The following LRRC56 variants were observed in gnomAD, a reference collection of about 807,000 sequenced individuals.
The protein encoded by LRRC56 is leucine rich repeat containing 56.
In LRRC56, 41 loss-of-function variants were observed where a neutral mutation model predicts 47.8. The ratio of observed to expected loss-of-function variants is 0.86; its 90% confidence interval spans 0.67 to 1.11. LRRC56 has a LOEUF of 1.11. LRRC56 is among the 50% of genes most tolerant of loss of function. LRRC56 has a pLI of 0.00. For missense variants in LRRC56, 759 were observed against 704.2 expected, an observed-to-expected ratio of 1.08 and a Z score of -0.88; for synonymous variants, 387 against 311.2, an observed-to-expected ratio of 1.24 and a Z score of -2.56.
the LRRC56 span, among the ~76,000 whole-genome samples, chr11:511,405 A>G: frequency 6.6e-6 from 1 of 152,192 alleles, no homozygotes; most frequent in African/African-American, 2.4e-5. Context: ...TGGCTGTTGC[A>G]GGTTCATACG....
intron 11 of LRRC56, 50 bp from the exon 12 acceptor site, chr11:552,040 G>C (rs1564807632): frequency 6.2e-7 from 1 of 1,604,942 alleles, no homozygotes. Context: ...GCCCTGCCCT[G>C]CCGCCATTCC....
At position 554,668 on chromosome 11, in the gene LRRC56, G is replaced by GT; in HGVS notation, c.*393dup. The GT allele has an allele frequency of 2.4e-6, 1 of 412,564 alleles. No individual in the cohort carries two copies. The highest frequency in any genetic ancestry group is 3.8e-5 in the South Asian group (1 of 26,106). The allele number at this position is 412,564 out of a possible 1,614,324, so 25.6% of individuals were successfully genotyped here. A position where few individuals can be genotyped will look rare whatever the true frequency, so the allele number is the denominator to read the frequency against. ...CCACCACTCCCTTGCCGGCCCCAGG[G>GT]TAAGAGCCACCTCCTAGGCCGCAGT... On this transcript the variant is annotated 3_prime_UTR_variant, in exon 14 of 14. Transcript: ENST00000270115.
At position 554,536 on chromosome 11, in the gene LRRC56, C is replaced by T. The variant is rs972869749; in HGVS notation, c.*260C>T. 1.7e-5 allele frequency: 7 copies of T among 409,004 alleles called. No individual in the cohort carries two copies. In the South Asian group the frequency reaches 4.5e-4, roughly 27 times the overall value. The allele number at this position is 409,004 out of a possible 1,614,324, so 25.3% of individuals were successfully genotyped here. On this transcript the variant is annotated 3_prime_UTR_variant, in exon 14 of 14. Coordinates refer to ENST00000270115, the MANE Select transcript of LRRC56 (RefSeq NM_198075.4). ...TCCCCAGCCCTTCCTTAGGGCCAGG[C>T]TTTCCCGCGGGCACGGGGGTGGGGG...
the LRRC56 span, among the ~76,000 whole-genome samples, chr11:525,690 G>A: frequency 1.3e-5 from 2 of 152,084 alleles, no homozygotes; most frequent in Non-Finnish European, 1.5e-5. Flanking sequence ...GAGGCCAGGA[G>A]TTTGAGACCA....
upstream of LRRC56, chr11:535,467 C>CGGGGCG (rs1554885658): frequency 1.8e-4 from 26 of 147,182 alleles, no homozygotes; most frequent in South Asian, 2.4e-3. Context: ...GAGGCCGGGG[C>CGGGGCG]GGGGCGGGGG....
chr11:522,508 C>G, the LRRC56 span, among the ~76,000 whole-genome samples: 1 of 152,110 alleles, frequency 6.6e-6, no homozygotes, highest in African/African-American at 2.4e-5. Context: ...CCTCGTGATT[C>G]GCCCACCTCG....
At chr11:543,208 G>T (rs1851892227) in intron 5 of LRRC56, among the ~76,000 whole-genome samples, 1 of 149,032 alleles carries the variant, frequency 6.7e-6, no homozygotes, top group African/African-American at 2.5e-5. Flanking sequence ...CCTGTTTTTT[G>T]TTTTTTTCAT....
chr11:540,941 A>G, intron 4 of LRRC56, 80 bp downstream of exon 4: 1 of 1,210,470 alleles, frequency 8.3e-7, no homozygotes, highest in Non-Finnish European at 1.1e-6. Context: ...CTGATGGTCC[A>G]GCCTGCCCTC....
the LRRC56 span, among the ~76,000 whole-genome samples, chr11:510,115 C>T: frequency 2.6e-5 from 4 of 152,206 alleles, no homozygotes; most frequent in East Asian, 1.9e-4. Flanking sequence ...CCAGCCTACA[C>T]GTTAGCTTAA....
chr11:521,261 G>A, the LRRC56 span, among the ~76,000 whole-genome samples: 10 of 152,166 alleles, frequency 6.6e-5, no homozygotes, highest in Non-Finnish European at 1.0e-4. Flanking sequence ...CTCACCATGG[G>A]TCTAGCTGGC....
the LRRC56 span, among the ~76,000 whole-genome samples, chr11:523,490 G>A: frequency 3.3e-5 from 5 of 151,694 alleles, no homozygotes; most frequent in East Asian, 3.9e-4. Flanking sequence ...AATTAGCCAC[G>A]TGTGGTGGTG....
the LRRC56 span, among the ~76,000 whole-genome samples, chr11:515,367 C>G: frequency 6.6e-6 from 1 of 152,208 alleles, no homozygotes; most frequent in Non-Finnish European, 1.5e-5. Flanking sequence ...CTTGTCTTCT[C>G]AGGGCCTTTC....
At chr11:517,266 C>T in the LRRC56 span, among the ~76,000 whole-genome samples, 1 of 151,744 alleles carries the variant, frequency 6.6e-6, no homozygotes, top group Non-Finnish European at 1.5e-5. Flanking sequence ...TGCCCGGCCG[C>T]CACCCCGTCT....
In LRRC56 at chr11:550,101, G is replaced by A. The variant is rs369023110; in HGVS notation, c.453G>A (p.Ser151=). The A allele has an allele frequency of 8.1e-6, 13 of 1,612,982 alleles. No individual in the cohort carries two copies. The East Asian group carries it at 1.6e-4, about 19-fold the overall frequency. The change falls in exon 8 of 14, where the codon TCG becomes TCA. Residue 151 remains serine (S), a synonymous_variant. Coordinates refer to ENST00000270115, the MANE Select transcript of LRRC56 (RefSeq NM_198075.4). ...KELYASYNNI[S]DLSPLCLLEQ... ...TCTACGCCTCCTACAACAACATCTC[G>A]GACCTGAGCCCACTGTGCCTGCTGG...
At chr11:517,678 C>T in the LRRC56 span, among the ~76,000 whole-genome samples, 4 of 152,274 alleles carry the variant, frequency 2.6e-5, no homozygotes, top group South Asian at 4.1e-4. Context: ...AAAGAGACAG[C>T]GACCATCGAG....
intron 12 of LRRC56, 129 bp downstream of exon 12, chr11:552,361 G>C (rs934912837): frequency 4.4e-6 from 6 of 1,358,344 alleles, no homozygotes; most frequent in Non-Finnish European, 6.0e-6. Flanking sequence ...CTGTCCCGTG[G>C]GGGGATCAGG....
rs368875614 is a variant in LRRC56 at position 552,748 on chromosome 11, C to T, written c.1315+46C>T. On this transcript the variant is annotated intron_variant, in intron 13 of 13. Transcript: ENST00000270115. ...CCCCCCAGTGCCTGGGAGTGACCAACACCCCACTTCTATAGGGGGGCCCTT... is the reference window on the plus strand; with the variant it reads ...CCCCCCAGTGCCTGGGAGTGACCAATACCCCACTTCTATAGGGGGGCCCTT... The T allele has an allele frequency of 9.1e-6, 14 of 1,541,570 alleles. No individual in the cohort carries two copies. The African/African-American group carries it at 1.4e-4, about 15-fold the overall frequency.
At chr11:523,912 A>G in the LRRC56 span, among the ~76,000 whole-genome samples, 1 of 152,318 alleles carries the variant, frequency 6.6e-6, no homozygotes, top group East Asian at 1.9e-4. Context: ...TGCGTGACAG[A>G]GCAAGATCCT....
upstream of LRRC56, chr11:534,278 G>A (rs727504614): frequency 2.8e-5 from 45 of 1,613,268 alleles, no homozygotes; most frequent in Non-Finnish European, 3.4e-5. Flanking sequence ...GCGCACTCTT[G>A]CCCACACCGC....
Sources: gnomAD v4.1 joint callset for allele counts (sites outside exome capture counted in the v4.1 genomes callset) on GRCh38, gnomAD v4.1.1 for gene constraint, MANE v1.5 for transcripts, NCBI Gene and HGNC (gene_info 2026-07-23, HGNC 2026-07-21) for gene names.